The following TMED10 variants were observed in gnomAD, a reference collection of about 807,000 sequenced individuals.
TMED10 encodes the protein transmembrane p24 trafficking protein 10.
In TMED10, 7 loss-of-function variants were observed where a neutral mutation model predicts 23.1. That is an observed-to-expected ratio of 0.30 (90% confidence interval 0.17 to 0.57). The LOEUF is 0.57. Among genes scored for constraint, TMED10 ranks in the 20% least tolerant of loss-of-function variants. The probability of loss-of-function intolerance (pLI) is 0.91; values close to 1 mark genes in which losing one functional copy is unlikely to be tolerated. For missense variants in TMED10, 162 were observed against 274.8 expected, an observed-to-expected ratio of 0.59 and a Z score of 2.90; for synonymous variants, 113 against 106.9, an observed-to-expected ratio of 1.06 and a Z score of -0.35.
At chr14:75,161,815 G>T (rs1896088279) in intron 1 of TMED10, among the ~76,000 whole-genome samples, 1 of 145,990 alleles carries the variant, frequency 6.8e-6, no homozygotes, top group Admixed American at 6.9e-5. Context: ...TAGCACAACT[G>T]CATTTAAAAA....
At chr14:75,136,670 G>T (rs1313131799) in intron 3 of TMED10, 1 of 152,162 alleles carries the variant, frequency 6.6e-6, no homozygotes, top group Non-Finnish European at 1.5e-5. Flanking sequence ...CACAATTAGA[G>T]AATTCTGGTT....
chr14:75,169,954 G>A (rs777685336), intron 1 of TMED10, among the ~76,000 whole-genome samples: 19 of 152,036 alleles, frequency 1.2e-4, no homozygotes, highest in East Asian at 9.7e-4. Flanking sequence ...ACGGCCGGGC[G>A]TGGTGGCTCA....
rs963087317 is a variant in TMED10 at position 75,132,392 on chromosome 14, C to CG, written c.*2492_*2493insC. On this transcript the variant is annotated 3_prime_UTR_variant, in exon 5 of 5. Transcript: ENST00000303575. ...GTTGCAGCAAGACTCCGTCCCCCCC[C>CG]CCCCAAAAAAAAAAAAGTTTAAGGA... is the stretch of plus-strand genomic sequence containing the variant. 3 of 118,748 alleles carry CG rather than the reference C, an allele frequency of 2.5e-5. No individual in the cohort carries two copies. Among genetic ancestry groups the CG allele is most frequent in the Admixed American group, 8.0e-5 (1 of 12,468 alleles). The allele number at this position is 118,748 out of a possible 1,614,324, so 7.4% of individuals were successfully genotyped here.
At chr14:75,146,912 TAG>T in intron 3 of TMED10, among the ~76,000 whole-genome samples, 1 of 143,218 alleles carries the variant, frequency 7.0e-6, no homozygotes. Flanking sequence ...ATGCCCCAGA[TAG>T]ATAGATAGAT....
At chr14:75,142,572 G>A (rs1379835347) in intron 3 of TMED10, among the ~76,000 whole-genome samples, 1 of 152,140 alleles carries the variant, frequency 6.6e-6, no homozygotes, top group Non-Finnish European at 1.5e-5. Flanking sequence ...CACATACTGT[G>A]TCACACAGTT....
chr14:75,172,686 G>C (rs1215135313), intron 1 of TMED10, among the ~76,000 whole-genome samples: 1 of 152,114 alleles, frequency 6.6e-6, no homozygotes. Flanking sequence ...TGCTGAAGTA[G>C]GCAGGAATGA....
rs896025419 is a variant in TMED10 at position 75,151,962 on chromosome 14, G to A, written c.337+70C>T. ...ATACAAATGAAACTAGATATTAAGTGCTGACTGTATTAAGGAGCATTAGAG... is the reference window on the plus strand; with the variant it reads ...ATACAAATGAAACTAGATATTAAGTACTGACTGTATTAAGGAGCATTAGAG... On this transcript the variant is annotated intron_variant, in intron 2 of 4. Coordinates refer to ENST00000303575, the MANE Select transcript of TMED10 (RefSeq NM_006827.6). 3.9e-6 allele frequency: 5 copies of A among 1,291,542 alleles called. No homozygotes were observed. The African/African-American group carries it at 5.9e-5, about 15-fold the overall frequency. The allele number at this position is 1,291,542 out of a possible 1,614,324, so 80.0% of individuals were successfully genotyped here.
Position 75,176,547 on chromosome 14 carries a change from G to A in TMED10, c.33C>T (p.Arg11=), listed in dbSNP as rs374961153. The A allele has an allele frequency of 2.8e-5, 45 of 1,614,164 alleles. No homozygotes were observed. Among genetic ancestry groups the A allele is most frequent in the Non-Finnish European group, 3.7e-5 (44 of 1,180,024 alleles). ...GCAGCAACGCTAACGGAAAAGGGCC[G>A]CGCCGGGCTGGTGGGCCAGACAAAC... is the stretch of plus-strand genomic sequence containing the variant. MSGLSGPPAR[R]GPFPLALLLL... Residue 11 remains arginine (R), a synonymous_variant, in exon 1 of 5, where the codon CGC becomes CGT. Coordinates refer to ENST00000303575, the MANE Select transcript of TMED10 (RefSeq NM_006827.6).
chr14:75,152,275 C>T (rs1895963793), intron 1 of TMED10, 132 bp from the exon 2 acceptor site: 1 of 689,030 alleles, frequency 1.5e-6, no homozygotes, highest in East Asian at 2.8e-5. Flanking sequence ...ATGTTCCAAC[C>T]ATCCCCAAAG....
chr14:75,175,129 T>C (rs947367869), intron 1 of TMED10, among the ~76,000 whole-genome samples: 3 of 151,996 alleles, frequency 2.0e-5, no homozygotes, highest in Non-Finnish European at 4.4e-5. Flanking sequence ...AAAAGACACT[T>C]TGCTTATTGT....
chr14:75,154,215 A>G (rs1227104598), intron 1 of TMED10, among the ~76,000 whole-genome samples: 1 of 117,738 alleles, frequency 8.5e-6, no homozygotes, highest in Admixed American at 9.5e-5. Context: ...AACATGGTGA[A>G]ACCCCGTCTT....
intron 1 of TMED10, among the ~76,000 whole-genome samples, chr14:75,161,342 A>C (rs1896083083): frequency 6.6e-6 from 1 of 152,232 alleles, no homozygotes; most frequent in African/African-American, 2.4e-5. Context: ...AATGGAATAG[A>C]GTTCACCTGA....
intron 3 of TMED10, 95 bp from the exon 4 acceptor site, chr14:75,135,981 C>A: frequency 6.6e-7 from 1 of 1,524,566 alleles, no homozygotes; most frequent in South Asian, 1.2e-5. Flanking sequence ...AAAGTTTCAC[C>A]AGATTTAAAT....
intron 1 of TMED10, among the ~76,000 whole-genome samples, chr14:75,170,656 A>C (rs35977276): frequency 0.57 from 85,960 of 151,582 alleles, 26,082 homozygotes; most frequent in African/African-American, 0.77. Context: ...TTAAAAAAAA[A>C]CCCAAAAACT....
intron 3 of TMED10, among the ~76,000 whole-genome samples, chr14:75,142,117 T>G (rs1214433909): frequency 6.6e-6 from 1 of 152,204 alleles, no homozygotes; most frequent in Non-Finnish European, 1.5e-5. Context: ...TGGTATTCTA[T>G]TCTACTCTCC....
chr14:75,154,203 C>A (rs1446607667), intron 1 of TMED10, among the ~76,000 whole-genome samples: 1 of 141,086 alleles, frequency 7.1e-6, no homozygotes, highest in African/African-American at 2.6e-5. Context: ...ACCAGCCTGG[C>A]CAACATGGTG....
chr14:75,163,838 T>C (rs1896115818), intron 1 of TMED10, among the ~76,000 whole-genome samples: 1 of 151,950 alleles, frequency 6.6e-6, no homozygotes, highest in South Asian at 2.1e-4. Flanking sequence ...TTGCCCAGGC[T>C]GGTTATGTAC....
intron 1 of TMED10, among the ~76,000 whole-genome samples, chr14:75,174,613 G>T (rs1036863978): frequency 3.9e-5 from 6 of 152,010 alleles, no homozygotes; most frequent in Middle Eastern, 3.4e-3. Flanking sequence ...TAAAATGATG[G>T]GTCACAGATT....
intron 1 of TMED10, among the ~76,000 whole-genome samples, chr14:75,158,973 A>G (rs968545479): frequency 2.6e-5 from 4 of 152,256 alleles, no homozygotes; most frequent in South Asian, 2.1e-4. Flanking sequence ...GGATACACAC[A>G]TATCAGTCAA....
Sources: gnomAD v4.1 joint callset for allele counts (sites outside exome capture counted in the v4.1 genomes callset) on GRCh38, gnomAD v4.1.1 for gene constraint, MANE v1.5 for transcripts, NCBI Gene and HGNC (gene_info 2026-07-23, HGNC 2026-07-21) for gene names.